The following STX18 variants were observed in gnomAD, a reference collection of about 807,000 sequenced individuals.
The protein encoded by STX18 is syntaxin-18.
Under a neutral mutation model 50.1 loss-of-function variants are expected in STX18, and 40 were observed. The observed-to-expected ratio is 0.80, with a 90% CI of 0.62 to 1.04. The LOEUF is 1.04. Among genes scored for constraint, STX18 ranks in the 50% least tolerant of loss-of-function variants. The pLI is 0.00. For missense variants in STX18, 410 were observed against 415.8 expected (o/e 0.99, Z 0.12); for synonymous variants, 158 against 151.8 (o/e 1.04, Z -0.30).
intron 6 of STX18, among the ~76,000 whole-genome samples, chr4:4,435,627 C>A (rs992023983): frequency 6.6e-6 from 1 of 152,168 alleles, no homozygotes; most frequent in Non-Finnish European, 1.5e-5. Flanking sequence ...CATAACTACG[C>A]TGACAGACCT....
intron 1 of STX18, among the ~76,000 whole-genome samples, chr4:4,472,788 G>T (rs1487462609): frequency 6.6e-6 from 1 of 152,210 alleles, no homozygotes; most frequent in Admixed American, 6.5e-5. Context: ...ACTGTGGAAT[G>T]AGTATATGCC....
chr4:4,434,380 C>G (rs753500343), intron 7 of STX18, among the ~76,000 whole-genome samples: 1 of 152,202 alleles, frequency 6.6e-6, no homozygotes, highest in Non-Finnish European at 1.5e-5. Flanking sequence ...TAAGGTGTTA[C>G]TCTTTTCACT....
At chr4:4,465,230 C>T (rs1170276836) in intron 2 of STX18, among the ~76,000 whole-genome samples, 1 of 152,150 alleles carries the variant, frequency 6.6e-6, no homozygotes, top group African/African-American at 2.4e-5. Context: ...TTTGACCCAG[C>T]AATCCCATTA....
intron 5 of STX18, 39 bp from the exon 6 acceptor site, chr4:4,438,548 A>C (rs752342779): frequency 1.3e-6 from 2 of 1,508,262 alleles, no homozygotes; most frequent in Admixed American, 1.7e-5. Context: ...TTTTATTTCC[A>C]TAACAGGATT....
intron 1 of STX18, among the ~76,000 whole-genome samples, chr4:4,527,017 T>C (rs1018054893): frequency 1.3e-5 from 2 of 152,188 alleles, no homozygotes; most frequent in Admixed American, 6.5e-5. Context: ...CTTAATTTAA[T>C]TTTGATTTAA....
rs189547706 is a variant in STX18 at position 4,525,194 on chromosome 4, G to T, written c.168+16603C>A. 2.9e-3 allele frequency among the ~76,000 whole-genome samples: 445 copies of T among 152,288 alleles called. 3 individuals carry two copies. The highest frequency in any genetic ancestry group is 0.01 in the African/African-American group (424 of 41,554). ...TATGAGAAAAAAGAAAAGACTTTGG[G>T]ATAATTTAATCTGGAGAAAGCAAAT... is the stretch of plus-strand genomic sequence containing the variant. On this transcript the variant is annotated intron_variant, in intron 1 of 10. Coordinates refer to ENST00000306200, the MANE Select transcript of STX18 (RefSeq NM_016930.4).
At chr4:4,444,875 T>C (rs1560167265) in intron 5 of STX18, among the ~76,000 whole-genome samples, 2 of 152,222 alleles carry the variant, frequency 1.3e-5, no homozygotes, top group African/African-American at 2.4e-5. Flanking sequence ...CTCATGCCTA[T>C]AATCCCAACA....
intron 1 of STX18, among the ~76,000 whole-genome samples, chr4:4,490,112 CACTA>C (rs1340356366): frequency 3.3e-5 from 5 of 152,070 alleles, no homozygotes; most frequent in African/African-American, 1.2e-4. Context: ...AAAAATGTAA[CACTA>C]ACTGCCCCCC....
chr4:4,527,131 T>A (rs1730806998), intron 1 of STX18, among the ~76,000 whole-genome samples: 1 of 152,198 alleles, frequency 6.6e-6, no homozygotes, highest in Non-Finnish European at 1.5e-5. Context: ...CCTATTTATA[T>A]ATATTTTCTT....
intron 1 of STX18, among the ~76,000 whole-genome samples, chr4:4,487,285 G>T (rs1318066471): frequency 6.6e-6 from 1 of 152,166 alleles, no homozygotes; most frequent in Non-Finnish European, 1.5e-5. Context: ...CAGGTGGTGG[G>T]GAGACTGAGT....
At chr4:4,467,243 C>T (rs989191867) in intron 2 of STX18, among the ~76,000 whole-genome samples, 1 of 152,082 alleles carries the variant, frequency 6.6e-6, no homozygotes. Context: ...GTGGCCTTGT[C>T]CCCAAGCAAG....
intron 1 of STX18, among the ~76,000 whole-genome samples, chr4:4,480,061 T>C (rs1056226833): frequency 6.6e-6 from 1 of 152,128 alleles, no homozygotes; most frequent in South Asian, 2.1e-4. Flanking sequence ...GCGTGAAACA[T>C]AGGAAATGCA....
intron 2 of STX18, among the ~76,000 whole-genome samples, chr4:4,460,811 C>T (rs897003002): frequency 1.3e-5 from 2 of 152,156 alleles, no homozygotes; most frequent in African/African-American, 4.8e-5. Flanking sequence ...GAAGACCCAA[C>T]AGTGAGACAA....
In STX18 at chr4:4,517,987, C is replaced by G. The variant is rs185253666; in HGVS notation, c.168+23810G>C. Among the ~76,000 whole-genome samples, 686 of 152,218 alleles carry G rather than the reference C, an allele frequency of 4.5e-3. 6 individuals carry two copies. The highest frequency in any genetic ancestry group is 0.016 in the African/African-American group (649 of 41,532). On this transcript the variant is annotated intron_variant, in intron 1 of 10. Coordinates refer to ENST00000306200, the MANE Select transcript of STX18 (RefSeq NM_016930.4). ...ACGAGGTTTCACCATGTTGGCCAGG[C>G]TGGTCTCAAACTCCTGACCTTGTGA...
intron 8 of STX18, chr4:4,423,894 G>C (rs974278739): frequency 1.0e-5 from 4 of 396,516 alleles, no homozygotes; most frequent in Non-Finnish European, 1.8e-5. Context: ...ACTGCTCGGG[G>C]AATGGGGAGG....
chr4:4,477,205 T>C (rs573702700), intron 1 of STX18, among the ~76,000 whole-genome samples: 219 of 152,284 alleles, frequency 1.4e-3, no homozygotes, highest in African/African-American at 5.1e-3. Flanking sequence ...ATCGCGCCAC[T>C]GCACTCCAGC....
At chr4:4,517,513 C>G (rs1469493551) in intron 1 of STX18, among the ~76,000 whole-genome samples, 2 of 152,086 alleles carry the variant, frequency 1.3e-5, no homozygotes, top group Non-Finnish European at 2.9e-5. Flanking sequence ...ATGTAGAAAG[C>G]TTTATAATTA....
At chr4:4,463,174 C>T (rs1173280635) in intron 2 of STX18, among the ~76,000 whole-genome samples, 1 of 152,120 alleles carries the variant, frequency 6.6e-6, no homozygotes, top group African/African-American at 2.4e-5. Context: ...CTGAAAAGGG[C>T]CAGAGAGTAA....
At position 4,486,796 on chromosome 4, in the gene STX18, T is replaced by C. The variant is rs1366656262; in HGVS notation, c.169-15090A>G. Among the ~76,000 whole-genome samples the C allele has an allele frequency of 2.0e-5, 3 of 152,238 alleles. No individual in the cohort carries two copies. The East Asian group carries it at 5.8e-4, about 29-fold the overall frequency. On this transcript the variant is annotated intron_variant, in intron 1 of 10. Transcript: ENST00000306200. ...TGAGTTCCTCAAAATATCAACTCTA[T>C]CTTTAAAATTATTTACATATCTTCA... is the stretch of plus-strand genomic sequence containing the variant.
Sources: gnomAD v4.1 joint callset for allele counts (sites outside exome capture counted in the v4.1 genomes callset) on GRCh38, gnomAD v4.1.1 for gene constraint, MANE v1.5 for transcripts, NCBI Gene and HGNC (gene_info 2026-07-23, HGNC 2026-07-21) for gene names.